Variants in GALNTL6 observed in about 807,000 individuals in gnomAD.
GALNTL6 encodes the protein polypeptide N-acetylgalactosaminyltransferase-like 6.
In GALNTL6, 46 loss-of-function variants were observed where a neutral mutation model predicts 73.7. That is an observed-to-expected ratio of 0.62 (90% CI 0.49 to 0.80). The LOEUF (loss-of-function observed/expected upper bound fraction) is 0.80, where lower values mean the gene tolerates loss of function less well. GALNTL6 is among the 30% of genes least tolerant of loss of function. The pLI is 0.00. For missense variants in GALNTL6, 604 were observed against 755.0 expected (o/e 0.80, Z 2.34); for synonymous variants, 259 against 263.7 (o/e 0.98, Z 0.17).
intron 5 of GALNTL6, among the ~76,000 whole-genome samples, chr4:172,500,218 C>T (rs1051337836): frequency 6.6e-6 from 1 of 152,028 alleles, no homozygotes; most frequent in African/African-American, 2.4e-5. Context: ...CTCAGGAGTG[C>T]GAGACCAGCC....
intron 5 of GALNTL6, among the ~76,000 whole-genome samples, chr4:172,590,442 C>G (rs1301248769): frequency 6.6e-6 from 1 of 152,034 alleles, no homozygotes; most frequent in African/African-American, 2.4e-5. Context: ...TATACCCAAA[C>G]CACACCTTTG....
chr4:172,818,571 A>T (rs1327080576), intron 7 of GALNTL6, among the ~76,000 whole-genome samples: 2 of 152,178 alleles, frequency 1.3e-5, no homozygotes, highest in East Asian at 3.9e-4. Context: ...AAATACATAT[A>T]TACAGCAGCG....
chr4:172,850,531 C>A (rs191980221), intron 7 of GALNTL6, among the ~76,000 whole-genome samples: 1 of 152,234 alleles, frequency 6.6e-6, no homozygotes, highest in East Asian at 1.9e-4. Flanking sequence ...CTAAAATATA[C>A]GGGAATTTCT....
chr4:172,678,456 T>C (rs2111224974), intron 5 of GALNTL6, among the ~76,000 whole-genome samples: 1 of 152,176 alleles, frequency 6.6e-6, no homozygotes, highest in South Asian at 2.1e-4. Context: ...AGCAATTCTC[T>C]TGCCTCAGCC....
At chr4:172,410,344 T>A (rs1023195118) in intron 5 of GALNTL6, among the ~76,000 whole-genome samples, 2 of 152,012 alleles carry the variant, frequency 1.3e-5, no homozygotes, top group Admixed American at 6.6e-5. Flanking sequence ...TCTCCAGAAC[T>A]CTATTATATA....
chr4:172,028,109 G>A (rs1248245949), intron 2 of GALNTL6, among the ~76,000 whole-genome samples: 5 of 152,016 alleles, frequency 3.3e-5, no homozygotes, highest in Admixed American at 6.6e-5. Context: ...GGAAGAAGTG[G>A]CCATCTAGGA....
intron 2 of GALNTL6, among the ~76,000 whole-genome samples, chr4:171,836,184 T>A (rs1357619198): frequency 1.3e-5 from 2 of 152,050 alleles, no homozygotes; most frequent in Non-Finnish European, 2.9e-5. Flanking sequence ...AAAATGGGGT[T>A]GGGCTAGATG....
At chr4:172,362,448 ATTC>A (rs1352169965) in intron 5 of GALNTL6, among the ~76,000 whole-genome samples, 1 of 151,996 alleles carries the variant, frequency 6.6e-6, no homozygotes, top group Non-Finnish European at 1.5e-5. Context: ...CATTGCTTGC[ATTC>A]TTCTTATCTG....
intron 5 of GALNTL6, among the ~76,000 whole-genome samples, chr4:172,416,286 A>T (rs924357733): frequency 3.9e-5 from 6 of 152,194 alleles, no homozygotes; most frequent in African/African-American, 1.4e-4. Context: ...AATATTTCTG[A>T]ATTGTCAAGG....
intron 7 of GALNTL6, among the ~76,000 whole-genome samples, chr4:172,838,265 G>T (rs1743018193): frequency 6.6e-6 from 1 of 152,166 alleles, no homozygotes; most frequent in Non-Finnish European, 1.5e-5. Context: ...AAAGGATGGG[G>T]CATGGGCAGA....
chr4:172,325,451 A>G (rs2111171169), intron 4 of GALNTL6, among the ~76,000 whole-genome samples: 1 of 152,124 alleles, frequency 6.6e-6, no homozygotes, highest in Non-Finnish European at 1.5e-5. Context: ...GCTGATTGAA[A>G]ACACTGGAAA....
At chr4:171,942,271 A>AATAAATAAATAAAT (rs1390723884) in intron 2 of GALNTL6, among the ~76,000 whole-genome samples, 2 of 49,920 alleles carry the variant, frequency 4.0e-5, no homozygotes, top group Non-Finnish European at 6.8e-5. Context: ...AATAAATATA[A>AATAAATAAATAAAT]TATACAGAAC....
intron 5 of GALNTL6, among the ~76,000 whole-genome samples, chr4:172,367,112 G>A (rs1187895625): frequency 1.3e-5 from 2 of 152,096 alleles, no homozygotes; most frequent in African/African-American, 4.8e-5. Flanking sequence ...TAAGCAGATA[G>A]GCATGTCTTT....
chr4:172,713,222 ATGTGTGTGTGTGTG>A lies in GALNTL6; in HGVS notation c.554-96107_554-96094del, dbSNP rs61504713. Among the ~76,000 whole-genome samples the A allele has an allele frequency of 2.9e-3, 406 of 139,234 alleles. 2 individuals are homozygous for A. Among genetic ancestry groups the A allele is most frequent in the Middle Eastern group, 0.011 (3 of 278 alleles). The allele number at this position is 139,234 out of a possible 152,430, so 91.3% of individuals were successfully genotyped here. On this transcript the variant is annotated intron_variant, in intron 5 of 12. Transcript: ENST00000506823. ...AATAAGAGAACAACAAAAGAATAAG[ATGTGTGTGTGTGTG>A]TGTGTGTGTGTGTGTGTGTGTGTGT...
At chr4:171,988,186 G>C (rs1184206840) in intron 2 of GALNTL6, among the ~76,000 whole-genome samples, 1 of 152,212 alleles carries the variant, frequency 6.6e-6, no homozygotes. Flanking sequence ...ACAGGGTGCA[G>C]TCCTGGCTCT....
At chr4:172,062,010 A>AC (rs1314070444) in intron 2 of GALNTL6, among the ~76,000 whole-genome samples, 1 of 139,772 alleles carries the variant, frequency 7.2e-6, no homozygotes, top group Non-Finnish European at 1.5e-5. Context: ...GTGCAATGGC[A>AC]CGATCTTGGC....
chr4:172,353,455 T>A (rs1742034978), intron 5 of GALNTL6, among the ~76,000 whole-genome samples: 1 of 152,184 alleles, frequency 6.6e-6, no homozygotes, highest in Admixed American at 6.6e-5. Flanking sequence ...GTAAAGGACA[T>A]CGACAATATT....
chr4:172,636,931 TTACATA>T (rs1739719744), intron 5 of GALNTL6, among the ~76,000 whole-genome samples: 1 of 152,154 alleles, frequency 6.6e-6, no homozygotes, highest in Non-Finnish European at 1.5e-5. Context: ...CTGCTACACT[TTACATA>T]TATTATATGG....
chr4:172,854,702 A>G (rs962439477), intron 7 of GALNTL6, among the ~76,000 whole-genome samples: 43 of 152,314 alleles, frequency 2.8e-4, no homozygotes, highest in African/African-American at 1.0e-3. Context: ...TCCTTCTTCT[A>G]TGAAAATGTT....
Sources: allele counts gnomAD v4.1 joint callset (sites outside exome capture counted in the v4.1 genomes callset), GRCh38; gene constraint gnomAD v4.1.1; transcripts MANE v1.5; gene names NCBI Gene and HGNC (gene_info 2026-07-23, HGNC 2026-07-21).